The following DCPS variants were observed in gnomAD, a reference collection of about 807,000 sequenced individuals.
DCPS encodes decapping enzyme, scavenger.
DCPS carries 27 observed loss-of-function variants against 34.7 expected under a neutral mutation model. The ratio of observed to expected loss-of-function variants is 0.78; its 90% confidence interval spans 0.57 to 1.07. The LOEUF (loss-of-function observed/expected upper bound fraction) is 1.07. Ranked by LOEUF, DCPS falls within the 50% of genes least tolerant of loss-of-function variation. The pLI is 0.00. For missense variants in DCPS, 464 were observed against 436.9 expected, an observed-to-expected ratio of 1.06 and a Z score of -0.55; for synonymous variants, 185 against 185.7, an observed-to-expected ratio of 1.00 and a Z score of 0.03.
Position 126,319,916 on chromosome 11 carries a change from G to C in DCPS, c.377-11489G>C, listed in dbSNP as rs1385891721. The stretch of plus-strand genomic sequence containing the variant: ...TTTTAAGGGGTAGCTTCCTTTTAAC[G>C]TATTTGTTACACAAGTGATATGTAA... On this transcript the variant is annotated intron_variant, in intron 2 of 5. Coordinates refer to ENST00000263579, the MANE Select transcript of DCPS (RefSeq NM_014026.6). This position sits in a 1 kb window ranked among gnomAD's most constrained non-coding sequence, Gnocchi z 4.5. Among the ~76,000 whole-genome samples, 1 of 151,920 alleles carries C rather than the reference G, an allele frequency of 6.6e-6. No homozygotes were observed. The highest frequency in any genetic ancestry group is 1.5e-5 in the Non-Finnish European group (1 of 68,002).
At chr11:126,343,090 A>C (rs1951888732) in intron 4 of DCPS, among the ~76,000 whole-genome samples, 2 of 126,460 alleles carry the variant, frequency 1.6e-5, no homozygotes, top group Non-Finnish European at 1.7e-5. Flanking sequence ...AAAAAAAAGG[A>C]CTCTCACATG....
Position 126,331,525 on chromosome 11 carries a change from T to G in DCPS, c.497T>G (p.Leu166Arg), listed in dbSNP as rs1173610457. 6.2e-7 allele frequency: 1 copy of G among 1,614,134 alleles called. No individual in the cohort carries two copies. Among genetic ancestry groups the G allele is most frequent in the Admixed American group, 1.7e-5 (1 of 60,016 alleles). Reference protein sequence around the residue: ...DDYRNITLPHLESQSLSIQWV... With the variant: ...DDYRNITLPHRESQSLSIQWV... ...TACAGGAATATTACTTTACCCCACCTGGAGTCCCAGAGCCTCAGCATCCAG... is the reference window on the plus strand; with the variant it reads ...TACAGGAATATTACTTTACCCCACCGGGAGTCCCAGAGCCTCAGCATCCAG... Residue 166 changes from leucine to arginine, a missense_variant, in exon 3 of 6, where the codon CTG becomes CGG. Transcript: ENST00000263579. The surrounding 1 kb of genome is among the most constrained non-coding windows in gnomAD (Gnocchi z 7.2).
chr11:126,334,259 T>C lies in DCPS; in HGVS notation c.522+2709T>C, dbSNP rs1951813744. ...TGCATGGAAGACAGTGAGTTCAGTT[T>C]GGAATTCATTGAGCACTTACTATGT... On this transcript the variant is annotated intron_variant, in intron 3 of 5. Transcript: ENST00000263579. This position sits in a 1 kb window ranked among gnomAD's most constrained non-coding sequence, Gnocchi z 5.5. Among the ~76,000 whole-genome samples, 1 of 152,196 alleles carries C rather than the reference T, an allele frequency of 6.6e-6. No individual in the cohort carries two copies. Among genetic ancestry groups the C allele is most frequent in the Admixed American group, 6.5e-5 (1 of 15,282 alleles).
intron 2 of DCPS, among the ~76,000 whole-genome samples, chr11:126,310,013 C>T (rs1379343180): frequency 6.6e-6 from 1 of 152,204 alleles, no homozygotes; most frequent in Non-Finnish European, 1.5e-5. Flanking sequence ...AGTTTGTTAA[C>T]CTCTGTTCCA....
rs1268745873 is a variant in DCPS, at chr11:126,323,758, C to T, written c.377-7647C>T. Among the ~76,000 whole-genome samples, 2 of 151,748 alleles carry T rather than the reference C, an allele frequency of 1.3e-5. No individual in the cohort carries two copies. Among genetic ancestry groups the T allele is most frequent in the African/African-American group, 2.4e-5 (1 of 41,286 alleles). ...TTTGCCATGTTGCCCAGGCTGGTCT[C>T]GAACTCCTGGGCTCAGGTGATCCAA... On this transcript the variant is annotated intron_variant, in intron 2 of 5. Coordinates refer to ENST00000263579, the MANE Select transcript of DCPS (RefSeq NM_014026.6). This position sits in a 1 kb window ranked among gnomAD's most constrained non-coding sequence, Gnocchi z 4.4.
chr11:126,306,372 C>CA lies in DCPS; in HGVS notation c.202-187dup, dbSNP rs576293314. On this transcript the variant is annotated intron_variant, in intron 1 of 5. Coordinates refer to ENST00000263579, the MANE Select transcript of DCPS (RefSeq NM_014026.6). ...CGGGCAACAGAGCAACACTCCATCT[C>CA]AAAAAAAAAAAGATGCCTTCTCTGA... Among the ~76,000 whole-genome samples, 765 of 141,744 alleles carry CA rather than the reference C, an allele frequency of 5.4e-3. 6 individuals are homozygous for CA. Among genetic ancestry groups the CA allele is most frequent in the Non-Finnish European group, 8.3e-3 (538 of 64,636 alleles). The allele number at this position is 141,744 out of a possible 152,430, so 93.0% of individuals were successfully genotyped here.
chr11:126,317,101 G>A (rs1289676118), intron 2 of DCPS, among the ~76,000 whole-genome samples: 3 of 151,942 alleles, frequency 2.0e-5, no homozygotes, highest in Non-Finnish European at 4.4e-5. Flanking sequence ...TGGGACTACA[G>A]GCGCGTGCCA....
intron 2 of DCPS, among the ~76,000 whole-genome samples, chr11:126,330,299 A>T (rs951240710): frequency 1.3e-5 from 2 of 152,142 alleles, no homozygotes; most frequent in African/African-American, 4.8e-5. Context: ...ACATCCTTCA[A>T]TGCACAGGAC....
chr11:126,310,570 C>T (rs1021583830), intron 2 of DCPS, among the ~76,000 whole-genome samples: 4 of 152,206 alleles, frequency 2.6e-5, no homozygotes, highest in South Asian at 2.1e-4. Flanking sequence ...GGAGCCATGT[C>T]GCCCATATTA....
intron 2 of DCPS, among the ~76,000 whole-genome samples, chr11:126,316,289 G>T (rs765779570): frequency 6.0e-5 from 9 of 150,874 alleles, no homozygotes; most frequent in Non-Finnish European, 1.2e-4. Context: ...CGACACAAAT[G>T]TATAAACTTT....
chr11:126,339,574 A>G (rs542782549), intron 4 of DCPS, among the ~76,000 whole-genome samples: 3 of 152,350 alleles, frequency 2.0e-5, no homozygotes, highest in Admixed American at 2.0e-4. Flanking sequence ...AAGAATTTGA[A>G]GGGATTTTCC....
At position 126,328,309 on chromosome 11, in the gene DCPS, G is replaced by A. The variant is rs1591387563; in HGVS notation, c.377-3096G>A. Among the ~76,000 whole-genome samples, 1 of 152,126 alleles carries A rather than the reference G, an allele frequency of 6.6e-6. No individual in the cohort carries two copies. Among genetic ancestry groups the A allele is most frequent in the Admixed American group, 6.5e-5 (1 of 15,272 alleles). On this transcript the variant is annotated intron_variant, in intron 2 of 5. Coordinates refer to ENST00000263579, the MANE Select transcript of DCPS (RefSeq NM_014026.6). The surrounding 1 kb of genome is among the most constrained non-coding windows in gnomAD (Gnocchi z 6.6). The stretch of plus-strand genomic sequence containing the variant: ...GGGTGGCAGCTCCCACCTCAGTGTG[G>A]CCCTGACTGAGGCTTTCGGTGGAGA...
chr11:126,318,213 G>A (rs1951678079), intron 2 of DCPS, among the ~76,000 whole-genome samples: 1 of 152,160 alleles, frequency 6.6e-6, no homozygotes, highest in Non-Finnish European at 1.5e-5. Context: ...GGTAATTAGT[G>A]GTTAGAGGCT....
Position 126,304,140 on chromosome 11 carries a change from C to G in DCPS, c.60C>G (p.Ala20=), listed in dbSNP as rs1466330219. 2.5e-6 allele frequency: 4 copies of G among 1,614,148 alleles called. No homozygotes were observed. Among genetic ancestry groups the G allele is most frequent in the Non-Finnish European group, 3.4e-6 (4 of 1,180,012 alleles). The part of the protein sequence containing the change: ...KRKRELDVEE[A]HAASTEEKEA... Reference sequence around the variant, plus strand: ...AGCGCGAATTGGACGTGGAGGAGGCCCACGCCGCCAGCACAGAGGAAAAGG... The same window carrying G: ...AGCGCGAATTGGACGTGGAGGAGGCGCACGCCGCCAGCACAGAGGAAAAGG... Residue 20 remains alanine (A), a synonymous_variant, in exon 1 of 6, where the codon GCC becomes GCG. Transcript: ENST00000263579.
At chr11:126,339,753 C>T (rs1951863069) in intron 4 of DCPS, among the ~76,000 whole-genome samples, 1 of 152,178 alleles carries the variant, frequency 6.6e-6, no homozygotes, top group Admixed American at 6.5e-5. Flanking sequence ...AAGGAGGGAG[C>T]CAGGACTGGC....
chr11:126,308,312 C>T (rs890650194), intron 2 of DCPS, among the ~76,000 whole-genome samples: 1 of 152,182 alleles, frequency 6.6e-6, no homozygotes, highest in African/African-American at 2.4e-5. Flanking sequence ...CTTCTGTCTT[C>T]TTGTTTGCCC....
rs1951749556 is a variant in DCPS, at chr11:126,327,409, C to A, written c.377-3996C>A. Reference sequence around the variant, plus strand: ...TGCCCAGCAGGGGTGACGGTGACGCCCATGGCCTGGCCGAGGTGGTAGCCT... The same window carrying A: ...TGCCCAGCAGGGGTGACGGTGACGCACATGGCCTGGCCGAGGTGGTAGCCT... On this transcript the variant is annotated intron_variant, in intron 2 of 5. Transcript: ENST00000263579. This position sits in a 1 kb window ranked among gnomAD's most constrained non-coding sequence, Gnocchi z 4.1. Among the ~76,000 whole-genome samples, 1 of 152,208 alleles carries A rather than the reference C, an allele frequency of 6.6e-6. No individual in the cohort carries two copies.
In DCPS at chr11:126,338,226, G is replaced by T; in HGVS notation, c.523-60G>T. The T allele has an allele frequency of 6.6e-7, 1 of 1,525,640 alleles. No homozygotes were observed. Among genetic ancestry groups the T allele is most frequent in the Admixed American group, 1.7e-5 (1 of 58,814 alleles). 94.5% of individuals were successfully genotyped at this position (1,525,640 alleles called of 1,614,324 possible). ...CAGGGAATGCCCTGAGCTCAGTTTG[G>T]GGTATCTCTCAAGGGGTGATGAGTG... is the stretch of plus-strand genomic sequence containing the variant. On this transcript the variant is annotated intron_variant, in intron 3 of 5. Coordinates refer to ENST00000263579, the MANE Select transcript of DCPS (RefSeq NM_014026.6). The surrounding 1 kb of genome is among the most constrained non-coding windows in gnomAD (Gnocchi z 5.4).
chr11:126,330,948 C>T (rs1464879975), intron 2 of DCPS, among the ~76,000 whole-genome samples: 1 of 151,564 alleles, frequency 6.6e-6, no homozygotes, highest in Non-Finnish European at 1.5e-5. Flanking sequence ...GTTGGTCAGG[C>T]TGGTCTCGAA....
Sources: allele counts gnomAD v4.1 joint callset (sites outside exome capture counted in the v4.1 genomes callset), GRCh38; gene constraint gnomAD v4.1.1; non-coding constraint Gnocchi (gnomAD v3.1); transcripts MANE v1.5; gene names NCBI Gene and HGNC (gene_info 2026-07-23, HGNC 2026-07-21).